The following CTNNA3 variants were observed in gnomAD, a reference collection of about 807,000 sequenced individuals.
CTNNA3 encodes catenin alpha 3.
A neutral mutation model predicts 95.7 loss-of-function variants in CTNNA3; 76 were observed. The observed-to-expected ratio is 0.79, with a 90% confidence interval of 0.66 to 0.96. The LOEUF (loss-of-function observed/expected upper bound fraction) is 0.96, where lower values mean the gene tolerates loss of function less well. CTNNA3 is among the 40% of genes least tolerant of loss of function. The pLI is 0.00. For missense variants in CTNNA3, 1,191 were observed against 1,089.8 expected, an observed-to-expected ratio of 1.09 and a Z score of -1.31; for synonymous variants, 431 against 374.4, an observed-to-expected ratio of 1.15 and a Z score of -1.74.
intron 10 of CTNNA3, among the ~76,000 whole-genome samples, chr10:66,534,205 A>G: frequency 6.6e-6 from 1 of 152,066 alleles, no homozygotes; most frequent in East Asian, 1.9e-4. Flanking sequence ...TCAGATTTTA[A>G]TTATATTACT....
intron 7 of CTNNA3, among the ~76,000 whole-genome samples, chr10:67,002,085 T>C (rs997354245): frequency 2.0e-5 from 3 of 152,180 alleles, no homozygotes; most frequent in Non-Finnish European, 4.4e-5. Context: ...CTCAGTTTCT[T>C]CACCTAAAAA....
intron 5 of CTNNA3, among the ~76,000 whole-genome samples, chr10:67,231,380 C>G (rs149176725): frequency 0.02 from 3,077 of 152,318 alleles, 54 homozygotes; most frequent in Non-Finnish European, 0.031. Context: ...GACCCCAGAG[C>G]AGCCTAACTG....
chr10:66,808,084 T>G (rs1308214142), intron 7 of CTNNA3, among the ~76,000 whole-genome samples: 2 of 152,036 alleles, frequency 1.3e-5, no homozygotes, highest in Non-Finnish European at 2.9e-5. Context: ...ATGAAGCGCT[T>G]AAACTGAGGA....
chr10:67,448,792 T>C (rs1046231503), intron 5 of CTNNA3, among the ~76,000 whole-genome samples: 1 of 149,540 alleles, frequency 6.7e-6, no homozygotes, highest in Non-Finnish European at 1.5e-5. Context: ...AAAAACTTGA[T>C]AAAAAATTAC....
At chr10:66,589,752 C>G (rs1300156837) in intron 10 of CTNNA3, among the ~76,000 whole-genome samples, 3 of 152,088 alleles carry the variant, frequency 2.0e-5, no homozygotes, top group Non-Finnish European at 4.4e-5. Context: ...TGCTTTGACT[C>G]ATCATTTGTT....
At chr10:67,480,763 G>C (rs1450791122) in intron 5 of CTNNA3, among the ~76,000 whole-genome samples, 3 of 152,158 alleles carry the variant, frequency 2.0e-5, no homozygotes, top group Non-Finnish European at 4.4e-5. Context: ...AAGGCTGTTA[G>C]CTCCCTGATT....
rs530531315 is a variant in CTNNA3, at chr10:66,396,262, T to C, written c.1532-16910A>G. ...AGCATATGCAGGAGCCAAAATCTTA[T>C]TGAACTGAATAAACTATACTTATTT... On this transcript the variant is annotated intron_variant, in intron 11 of 17. Coordinates refer to ENST00000433211, the MANE Select transcript of CTNNA3 (RefSeq NM_013266.4). Among the ~76,000 whole-genome samples the C allele has an allele frequency of 2.0e-5, 3 of 152,158 alleles. No homozygotes were observed. In the East Asian group the frequency reaches 5.8e-4, roughly 29 times the overall value.
chr10:66,009,552 T>G (rs892884823), intron 15 of CTNNA3, among the ~76,000 whole-genome samples: 1 of 152,208 alleles, frequency 6.6e-6, no homozygotes, highest in Admixed American at 6.5e-5. Flanking sequence ...ATATTTTCTT[T>G]TCACTCTCGA....
chr10:67,503,165 CG>C (rs1839287131), intron 5 of CTNNA3, among the ~76,000 whole-genome samples: 1 of 152,196 alleles, frequency 6.6e-6, no homozygotes, highest in Admixed American at 6.5e-5. Flanking sequence ...GTGTCTGGGC[CG>C]GAATGCACCG....
At chr10:67,692,712 C>T (rs1231188289) in intron 1 of CTNNA3, among the ~76,000 whole-genome samples, 9 of 105,496 alleles carry the variant, frequency 8.5e-5, no homozygotes, top group South Asian at 2.9e-4. Flanking sequence ...TCCCCCTCTG[C>T]GAGAAACACC....
chr10:66,998,574 AGT>A (rs145672228), intron 7 of CTNNA3, among the ~76,000 whole-genome samples: 3,477 of 152,332 alleles, frequency 0.023, 70 homozygotes, highest in Non-Finnish European at 0.037. Flanking sequence ...AACAGAAGAA[AGT>A]GAGACACTTG....
At chr10:66,487,363 G>A (rs1367787298) in intron 11 of CTNNA3, among the ~76,000 whole-genome samples, 2 of 151,528 alleles carry the variant, frequency 1.3e-5, no homozygotes, top group African/African-American at 4.8e-5. Context: ...CAACACGCCC[G>A]GCTAATTTTT....
At chr10:67,690,042 G>A (rs901926958) in intron 1 of CTNNA3, among the ~76,000 whole-genome samples, 5 of 152,046 alleles carry the variant, frequency 3.3e-5, no homozygotes, top group Admixed American at 6.6e-5. Context: ...CAGACCCCAC[G>A]GTGACTGTTA....
chr10:66,225,392 T>TATAC (rs143191222), intron 13 of CTNNA3, among the ~76,000 whole-genome samples: 1 of 39,016 alleles, frequency 2.6e-5, no homozygotes, highest in Non-Finnish European at 6.7e-5. Context: ...TTTATTCAAA[T>TATAC]ATATATATAT....
chr10:67,739,601 G>A (rs1265343129), intron 1 of CTNNA3, among the ~76,000 whole-genome samples: 1 of 151,572 alleles, frequency 6.6e-6, no homozygotes, highest in Non-Finnish European at 1.5e-5. Flanking sequence ...ACCTTACAAG[G>A]GACGTGAAGG....
intron 5 of CTNNA3, among the ~76,000 whole-genome samples, chr10:67,462,144 C>T (rs746340420): frequency 2.0e-5 from 3 of 152,172 alleles, no homozygotes; most frequent in Non-Finnish European, 4.4e-5. Flanking sequence ...TCCACTGCCC[C>T]AGCCATTCTA....
At chr10:67,115,558 A>T (rs999798513) in intron 7 of CTNNA3, among the ~76,000 whole-genome samples, 9 of 151,998 alleles carry the variant, frequency 5.9e-5, no homozygotes, top group African/African-American at 9.7e-5. Flanking sequence ...CAAGTATCAA[A>T]GGAATTTCAG....
chr10:66,844,463 G>T (rs905148320), intron 7 of CTNNA3, among the ~76,000 whole-genome samples: 2 of 152,180 alleles, frequency 1.3e-5, no homozygotes, highest in South Asian at 2.1e-4. Context: ...AATCCCCAGA[G>T]TTCCTTGGAC....
intron 7 of CTNNA3, among the ~76,000 whole-genome samples, chr10:66,831,745 G>C (rs552388951): frequency 1.3e-5 from 2 of 150,680 alleles, no homozygotes; most frequent in Admixed American, 6.7e-5. Context: ...AGAGGAAAGG[G>C]AAAGAGGGAA....
Sources: allele counts gnomAD v4.1 joint callset (sites outside exome capture counted in the v4.1 genomes callset), GRCh38; gene constraint gnomAD v4.1.1; transcripts MANE v1.5; gene names NCBI Gene and HGNC (gene_info 2026-07-23, HGNC 2026-07-21).